ST3GAL1: variants seen among roughly 807,000 people sequenced by gnomAD.
The protein encoded by ST3GAL1 is CMP-N-acetylneuraminate-beta-galactosamide-alpha-2,3-sialyltransferase 1.
Under a neutral mutation model 34.1 loss-of-function variants are expected in ST3GAL1, and 16 were observed. That is an observed-to-expected ratio of 0.47 (90% CI 0.32 to 0.71). The LOEUF is 0.71. ST3GAL1 is among the 30% of genes least tolerant of loss of function. The probability of loss-of-function intolerance (pLI) is 0.04; values close to 1 mark genes in which losing one functional copy is unlikely to be tolerated. For synonymous variants in ST3GAL1, 191 were observed against 184.7 expected (o/e 1.03, Z -0.28); for missense variants, 353 against 447.4 (o/e 0.79, Z 1.90).
Position 133,513,671 on chromosome 8 carries a change from G to A in ST3GAL1, c.-428-14482C>T, listed in dbSNP as rs575282783. On this transcript the variant is annotated intron_variant, in intron 2 of 9. Transcript: ENST00000522652. ...AATACTTTGGGAGGCTGAGGCGGGC[G>A]GATCACAAGGTCAGGAGTTCAAGAC... 1.1e-4 allele frequency among the ~76,000 whole-genome samples: 17 copies of A among 152,146 alleles called. No individual in the cohort carries two copies. In the South Asian group the frequency reaches 2.7e-3, roughly 24 times the overall value.
chr8:133,518,506 G>C (rs1390285109), intron 2 of ST3GAL1, among the ~76,000 whole-genome samples: 1 of 152,210 alleles, frequency 6.6e-6, no homozygotes, highest in Non-Finnish European at 1.5e-5. Flanking sequence ...AGGGCATCTA[G>C]AGCAACCCTT....
intron 1 of ST3GAL1, among the ~76,000 whole-genome samples, chr8:133,558,150 T>C (rs189971984): frequency 1.2e-4 from 19 of 152,218 alleles, no homozygotes; most frequent in African/African-American, 4.3e-4. Flanking sequence ...TGCCCAGAGG[T>C]CAAAACACCA....
At chr8:133,560,926 G>T (rs1819201968) in intron 1 of ST3GAL1, among the ~76,000 whole-genome samples, 1 of 152,042 alleles carries the variant, frequency 6.6e-6, no homozygotes, top group African/African-American at 2.4e-5. Flanking sequence ...TAAAGACTAG[G>T]CTCCCATAGT....
At chr8:133,529,528 G>A (rs938119206) in intron 2 of ST3GAL1, among the ~76,000 whole-genome samples, 1 of 152,166 alleles carries the variant, frequency 6.6e-6, no homozygotes, top group Non-Finnish European at 1.5e-5. Flanking sequence ...GAGCTAACAT[G>A]GAATATCAAG....
Position 133,467,179 on chromosome 8 carries a change from C to T in ST3GAL1, c.307-1089G>A, listed in dbSNP as rs1369143989. On this transcript the variant is annotated intron_variant, in intron 5 of 9. Coordinates refer to ENST00000522652, the MANE Select transcript of ST3GAL1 (RefSeq NM_173344.3). This position sits in a 1 kb window ranked among gnomAD's most constrained non-coding sequence, Gnocchi z 4.2. ...CTTATTCCAGGGTGACTAAATATTA[C>T]TTATTTGCCCAGGTTAAGGGGTTTC... Among the ~76,000 whole-genome samples, 1 of 151,808 alleles carries T rather than the reference C, an allele frequency of 6.6e-6. No homozygotes were observed. Among genetic ancestry groups the T allele is most frequent in the African/African-American group, 2.4e-5 (1 of 41,350 alleles).
chr8:133,540,502 C>G (rs1818433663), intron 2 of ST3GAL1, among the ~76,000 whole-genome samples: 1 of 152,026 alleles, frequency 6.6e-6, no homozygotes, highest in African/African-American at 2.4e-5. Flanking sequence ...GCAGCCACAG[C>G]CCCCTGAAGA....
intron 3 of ST3GAL1, among the ~76,000 whole-genome samples, chr8:133,494,225 T>C (rs1406590463): frequency 6.6e-6 from 1 of 152,154 alleles, no homozygotes; most frequent in Admixed American, 6.5e-5. Flanking sequence ...ATTTTGCAGG[T>C]AAGACATGCA....
chr8:133,565,759 A>G (rs1426427969), intron 1 of ST3GAL1, among the ~76,000 whole-genome samples: 1 of 152,198 alleles, frequency 6.6e-6, no homozygotes, highest in African/African-American at 2.4e-5. Context: ...TTATACTACC[A>G]TCTCCCAGGT....
At chr8:133,514,004 C>A (rs1049613005) in intron 2 of ST3GAL1, among the ~76,000 whole-genome samples, 5 of 152,262 alleles carry the variant, frequency 3.3e-5, no homozygotes, top group Admixed American at 3.3e-4. Context: ...GTATTTTCAG[C>A]CCATGTCGGG....
intron 2 of ST3GAL1, among the ~76,000 whole-genome samples, chr8:133,521,926 T>C (rs1563725598): frequency 6.6e-6 from 1 of 151,394 alleles, no homozygotes; most frequent in Non-Finnish European, 1.5e-5. Context: ...GGATTTTCTG[T>C]TTCTGTTTTG....
intron 2 of ST3GAL1, among the ~76,000 whole-genome samples, chr8:133,540,748 T>TATATATATATAGAGAC (rs1563733855): frequency 3.5e-5 from 2 of 56,378 alleles, no homozygotes; most frequent in African/African-American, 1.7e-4. Context: ...TATATAGACA[T>TATATATATATAGAGAC]ATATATATAT....
intron 1 of ST3GAL1, among the ~76,000 whole-genome samples, chr8:133,565,663 T>C (rs1819373776): frequency 6.6e-6 from 1 of 152,242 alleles, no homozygotes; most frequent in Non-Finnish European, 1.5e-5. Context: ...AAGTAGATGC[T>C]ACTAAAATTC....
intron 2 of ST3GAL1, among the ~76,000 whole-genome samples, chr8:133,527,735 A>G (rs1818018952): frequency 6.6e-6 from 1 of 152,240 alleles, no homozygotes; most frequent in Non-Finnish European, 1.5e-5. Context: ...ATCTGGGGGA[A>G]GGAAAAACAG....
At chr8:133,539,040 C>T (rs1243664084) in intron 2 of ST3GAL1, among the ~76,000 whole-genome samples, 3 of 152,250 alleles carry the variant, frequency 2.0e-5, no homozygotes, top group East Asian at 1.9e-4. Flanking sequence ...GTTACAAAGG[C>T]GTAAGGGCCA....
At chr8:133,537,303 T>C (rs999053831) in intron 2 of ST3GAL1, among the ~76,000 whole-genome samples, 1 of 82,024 alleles carries the variant, frequency 1.2e-5, no homozygotes, top group African/African-American at 3.0e-5. Context: ...CCCAGTCTTC[T>C]GGGGTTTTAT....
At chr8:133,474,238 C>T (rs1379384103) in intron 5 of ST3GAL1, among the ~76,000 whole-genome samples, 1 of 152,172 alleles carries the variant, frequency 6.6e-6, no homozygotes, top group Non-Finnish European at 1.5e-5. Flanking sequence ...GGGAGTTGGA[C>T]ATGAAGACCA....
At position 133,463,471 on chromosome 8, in the gene ST3GAL1, G is replaced by A; in HGVS notation, c.684-12C>T. The A allele has an allele frequency of 6.2e-7, 1 of 1,613,808 alleles. No homozygotes were observed. Among genetic ancestry groups the A allele is most frequent in the South Asian group, 1.1e-5 (1 of 90,878 alleles). ...CCGGGATGTAGGTGCTGCAGTTGGAGAAAGAGAAGCTGGTTAATGGGGCAG... is the reference window on the plus strand; with the variant it reads ...CCGGGATGTAGGTGCTGCAGTTGGAAAAAGAGAAGCTGGTTAATGGGGCAG... On this transcript the variant is annotated splice_polypyrimidine_tract_variant and intron_variant, in intron 7 of 9. Coordinates refer to ENST00000522652, the MANE Select transcript of ST3GAL1 (RefSeq NM_173344.3).
At position 133,461,862 on chromosome 8, in the gene ST3GAL1, G is replaced by A; in HGVS notation, c.849+13C>T. On this transcript the variant is annotated intron_variant, in intron 9 of 9. Coordinates refer to ENST00000522652, the MANE Select transcript of ST3GAL1 (RefSeq NM_173344.3). This position sits in a 1 kb window ranked among gnomAD's most constrained non-coding sequence, Gnocchi z 4.7. ...TTCGAGGCAGCCCTGTGGGCAGGGGGAGGGTGGCATACCTCATCGCAGACA... is the reference window on the plus strand; with the variant it reads ...TTCGAGGCAGCCCTGTGGGCAGGGGAAGGGTGGCATACCTCATCGCAGACA... The A allele has an allele frequency of 2.5e-6, 4 of 1,613,976 alleles. No individual in the cohort carries two copies. The highest frequency in any genetic ancestry group is 2.2e-5 in the South Asian group (2 of 91,068).
intron 2 of ST3GAL1, among the ~76,000 whole-genome samples, chr8:133,542,117 GCA>G (rs1818554779): frequency 1.3e-5 from 2 of 149,584 alleles, no homozygotes; most frequent in African/African-American, 2.5e-5. Context: ...ACACACCCAC[GCA>G]CACACAGACA....
Sources: gnomAD v4.1 joint callset for allele counts (sites outside exome capture counted in the v4.1 genomes callset) on GRCh38, gnomAD v4.1.1 for gene constraint, Gnocchi (gnomAD v3.1) non-coding constraint, MANE v1.5 for transcripts, NCBI Gene and HGNC (gene_info 2026-07-23, HGNC 2026-07-21) for gene names.